The following HRK variants were observed in gnomAD, a reference collection of about 807,000 sequenced individuals.
HRK encodes harakiri, BCL2 interacting protein.
Under a neutral mutation model 5.9 loss-of-function variants are expected in HRK, and 6 were observed. The ratio of observed to expected loss-of-function variants is 1.02; its 90% CI spans 0.56 to 2.01. The LOEUF (loss-of-function observed/expected upper bound fraction) is 2.01. HRK is among the 30% of genes most tolerant of loss of function. The pLI is 0.00. For synonymous variants in HRK, 85 were observed against 65.1 expected (o/e 1.31, Z -1.47); for missense variants, 133 against 128.3 (o/e 1.04, Z -0.18).
At position 116,862,307 on chromosome 12, in the gene HRK, C is replaced by T. The variant is rs952610075; in HGVS notation, c.*57-841G>A. Among the ~76,000 whole-genome samples, 15 of 152,132 alleles carry T rather than the reference C, an allele frequency of 9.9e-5. No individual in the cohort carries two copies. Among genetic ancestry groups the T allele is most frequent in the South Asian group, 2.1e-4 (1 of 4,822 alleles). On this transcript the variant is annotated intron_variant, in intron 1 of 1. Coordinates refer to ENST00000257572, the MANE Select transcript of HRK (RefSeq NM_003806.4). The surrounding 1 kb of genome is among the most constrained non-coding windows in gnomAD (Gnocchi z 4.0). The stretch of plus-strand genomic sequence containing the variant: ...CAGAATTATCCATAATAGCAAAATA[C>T]GGAAACAACCCAAATGTCCATCAAC...
rs1377212335 is a variant in HRK at position 116,881,192 on chromosome 12, G to A, written c.116C>T (p.Ala39Val). Residue 39 changes from alanine (A) to valine (V), a missense_variant, in exon 1 of 2, where the codon GCG (alanine) becomes GTG (valine). Physicochemically the swap from Ala to Val is moderately conservative, Grantham distance 64. Transcript: ENST00000257572. Reference protein sequence around the residue: ...AAQLTAARLKALGDELHQRTM... With the variant: ...AAQLTAARLKVLGDELHQRTM... ...GCGCTGGTGCAGCTCGTCGCCTAGC[G>A]CCTTGAGCCGGGCGGCGGTGAGCTG... The A allele has an allele frequency of 2.6e-6, 3 of 1,146,510 alleles. No homozygotes were observed. Among genetic ancestry groups the A allele is most frequent in the African/African-American group, 1.6e-5 (1 of 61,088 alleles). 71.0% of individuals were successfully genotyped at this position (1,146,510 alleles called of 1,614,324 possible). A position where few individuals can be genotyped will look rare whatever the true frequency, so the allele number is the denominator to read the frequency against.
chr12:116,877,217 ATTTT>A (rs377267721), intron 1 of HRK, among the ~76,000 whole-genome samples: 31 of 143,266 alleles, frequency 2.2e-4, no homozygotes, highest in Non-Finnish European at 2.4e-4. Context: ...TGCCCAGCTA[ATTTT>A]TTTTTTTTTT....
chr12:116,861,253 A>AGAG lies in HRK; in HGVS notation c.*267_*269dup, dbSNP rs1878356457. 1.3e-5 allele frequency: 2 copies of AGAG among 152,252 alleles called. No homozygotes were observed. Among genetic ancestry groups the AGAG allele is most frequent in the African/African-American group, 4.8e-5 (2 of 41,456 alleles). The allele number at this position is 152,252 out of a possible 1,614,324, so 9.4% of individuals were successfully genotyped here. A position where few individuals can be genotyped will look rare whatever the true frequency, so the allele number is the denominator to read the frequency against. ...TCATATTTTCTTTTTTTATATATAT[A>AGAG]GAGCTGTATGTAAATAGCATTGGGG... On this transcript the variant is annotated 3_prime_UTR_variant, in exon 2 of 2. Coordinates refer to ENST00000257572, the MANE Select transcript of HRK (RefSeq NM_003806.4).
chr12:116,880,015 C>T (rs1256075464), intron 1 of HRK, among the ~76,000 whole-genome samples: 1 of 152,168 alleles, frequency 6.6e-6, no homozygotes, highest in Non-Finnish European at 1.5e-5. Flanking sequence ...TGTGTGCTTC[C>T]TCAAAGCGCC....
At chr12:116,874,974 T>C (rs1435612063) in intron 1 of HRK, among the ~76,000 whole-genome samples, 1 of 152,182 alleles carries the variant, frequency 6.6e-6, no homozygotes, top group Non-Finnish European at 1.5e-5. Context: ...CATGGTCAAA[T>C]ATGTCAGCCT....
At chr12:116,869,614 C>T (rs755713228) in intron 1 of HRK, 16 of 152,188 alleles carry the variant, frequency 1.1e-4, no homozygotes, top group East Asian at 5.8e-4. Context: ...ATGTGAAAGT[C>T]GGCCTGACTC....
intron 1 of HRK, among the ~76,000 whole-genome samples, chr12:116,869,021 T>G (rs893016742): frequency 6.6e-6 from 1 of 151,874 alleles, no homozygotes; most frequent in African/African-American, 2.4e-5. Context: ...TTGTCTGGGC[T>G]GGAGTGCAGT....
At position 116,864,342 on chromosome 12, in the gene HRK, G is replaced by A. The variant is rs376718523; in HGVS notation, c.*57-2876C>T. 3.9e-5 allele frequency among the ~76,000 whole-genome samples: 6 copies of A among 152,274 alleles called. No individual in the cohort carries two copies. The East Asian group carries it at 5.8e-4, about 15-fold the overall frequency. ...GACATCGTGCTAAGCATGGTTATCC[G>A]CACCAGATAAGGCCAGGTGCCTGCT... On this transcript the variant is annotated intron_variant, in intron 1 of 1. Coordinates refer to ENST00000257572, the MANE Select transcript of HRK (RefSeq NM_003806.4).
chr12:116,878,069 C>G lies in HRK; in HGVS notation c.*56+2907G>C, dbSNP rs1029555082. ...TAGCTGGGATTACAGGTGTGCACCACCACGCTCAGCTAATTTTTGTATTTT... is the reference window on the plus strand; with the variant it reads ...TAGCTGGGATTACAGGTGTGCACCAGCACGCTCAGCTAATTTTTGTATTTT... On this transcript the variant is annotated intron_variant, in intron 1 of 1. Transcript: ENST00000257572. The surrounding 1 kb of genome is among the most constrained non-coding windows in gnomAD (Gnocchi z 4.4). Among the ~76,000 whole-genome samples the G allele has an allele frequency of 6.6e-6, 1 of 152,146 alleles. No homozygotes were observed. Among genetic ancestry groups the G allele is most frequent in the Non-Finnish European group, 1.5e-5 (1 of 68,022 alleles).
intron 1 of HRK, among the ~76,000 whole-genome samples, chr12:116,880,169 A>G (rs1042231650): frequency 2.0e-5 from 3 of 152,124 alleles, no homozygotes; most frequent in Admixed American, 6.5e-5. Context: ...CTCCCTAAAC[A>G]GTGCCCAGCA....
intron 1 of HRK, chr12:116,867,764 C>T (rs942575476): frequency 3.3e-5 from 5 of 152,162 alleles, no homozygotes; most frequent in African/African-American, 1.2e-4. Flanking sequence ...AAAACCTTTG[C>T]GTGTTGACAT....
rs1879147200 is a variant in HRK at position 116,881,277 on chromosome 12, C to A, written c.31G>T (p.Gly11Cys). The A allele has an allele frequency of 9.3e-7, 1 of 1,076,248 alleles. No homozygotes were observed. The highest frequency in any genetic ancestry group is 1.1e-6 in the Non-Finnish European group (1 of 890,446). The allele number at this position is 1,076,248 out of a possible 1,614,324, so 66.7% of individuals were successfully genotyped here. Residue 11 changes from glycine (G) to cysteine (C), a missense_variant, in exon 1 of 2, where the codon GGC becomes TGC. Gly to Cys is a radical substitution (Grantham distance 159). Coordinates refer to ENST00000257572, the MANE Select transcript of HRK (RefSeq NM_003806.4). MCPCPLHRGRGPPAVCACSAG... is the reference protein window; with the variant it reads MCPCPLHRGRCPPAVCACSAG... ...CTGCAGGCGCACACGGCCGGGGGGC[C>A]GCGGCCGCGGTGCAGGGGGCACGGG...
chr12:116,878,981 C>G lies in HRK; in HGVS notation c.*56+1995G>C, dbSNP rs1476194120. On this transcript the variant is annotated intron_variant, in intron 1 of 1. Transcript: ENST00000257572. The surrounding 1 kb of genome is among the most constrained non-coding windows in gnomAD (Gnocchi z 4.4). ...GCAGGCCCCAGTTACCCAACTCCTCCCCTGCGCTCCGGCGCAGAGCGGCGC... is the reference window on the plus strand; with the variant it reads ...GCAGGCCCCAGTTACCCAACTCCTCGCCTGCGCTCCGGCGCAGAGCGGCGC... The G allele has an allele frequency of 2.0e-5, 3 of 152,500 alleles. No homozygotes were observed. The highest frequency in any genetic ancestry group is 7.2e-5 in the African/African-American group (3 of 41,474). 9.4% of individuals were successfully genotyped at this position (152,500 alleles called of 1,614,324 possible). A position where few individuals can be genotyped will look rare whatever the true frequency, so the allele number is the denominator to read the frequency against.
At position 116,881,011 on chromosome 12, in the gene HRK, C is replaced by G; in HGVS notation, c.*21G>C. ...CTCCGGCTGGGTCTCGGCTCCGGCC[C>G]CACCAAGAAGCCCCGCGTTCCTACA... On this transcript the variant is annotated 3_prime_UTR_variant, in exon 1 of 2. Transcript: ENST00000257572. The G allele has an allele frequency of 7.6e-7, 1 of 1,320,494 alleles. No homozygotes were observed. The highest frequency in any genetic ancestry group is 9.6e-7 in the Non-Finnish European group (1 of 1,038,304). The allele number at this position is 1,320,494 out of a possible 1,614,324, so 81.8% of individuals were successfully genotyped here. A position where few individuals can be genotyped will look rare whatever the true frequency, so the allele number is the denominator to read the frequency against.
Position 116,881,048 on chromosome 12 carries a change from C to A in HRK, c.260G>T (p.Gly87Val). ...QVAALAAWLL[G>V]RRNL is the part of the protein sequence containing the mutation. ...CCCGCGTTCCTACAAGTTCCGCCTGCCGAGCAGCCAGGCCGCCAGCGCCGC... is the reference window on the plus strand; with the variant it reads ...CCCGCGTTCCTACAAGTTCCGCCTGACGAGCAGCCAGGCCGCCAGCGCCGC... Residue 87 changes from glycine (G) to valine (V), a missense_variant, in exon 1 of 2, where the codon GGC (glycine) becomes GTC (valine). Coordinates refer to ENST00000257572, the MANE Select transcript of HRK (RefSeq NM_003806.4). 1 of 1,358,502 alleles carries A rather than the reference C, an allele frequency of 7.4e-7. No individual in the cohort carries two copies. Among genetic ancestry groups the A allele is most frequent in the Non-Finnish European group, 9.5e-7 (1 of 1,055,288 alleles). 84.2% of individuals were successfully genotyped at this position (1,358,502 alleles called of 1,614,324 possible).
In HRK at chr12:116,879,810, C is replaced by T. The variant is rs1879075294; in HGVS notation, c.*56+1166G>A. 6.6e-6 allele frequency among the ~76,000 whole-genome samples: 1 copy of T among 152,202 alleles called. No individual in the cohort carries two copies. Among genetic ancestry groups the T allele is most frequent in the African/African-American group, 2.4e-5 (1 of 41,458 alleles). ...CGGGCCTCGCCTTCAGGCGCCGCTC[C>T]AACTTCCCAGGGTGTCTGCGGCGCG... On this transcript the variant is annotated intron_variant, in intron 1 of 1. Transcript: ENST00000257572. This position sits in a 1 kb window ranked among gnomAD's most constrained non-coding sequence, Gnocchi z 5.6.
chr12:116,870,633 C>T (rs1878711827), intron 1 of HRK, among the ~76,000 whole-genome samples: 2 of 151,998 alleles, frequency 1.3e-5, no homozygotes, highest in Non-Finnish European at 1.5e-5. Flanking sequence ...GGCAACATAG[C>T]GAGACCCCAT....
At chr12:116,875,415 T>A (rs1311205087) in intron 1 of HRK, among the ~76,000 whole-genome samples, 1 of 152,228 alleles carries the variant, frequency 6.6e-6, no homozygotes, top group Non-Finnish European at 1.5e-5. Context: ...AGGGAACTCT[T>A]ATGTCTTGGT....
intron 1 of HRK, among the ~76,000 whole-genome samples, chr12:116,863,286 A>G (rs1463266376): frequency 1.3e-5 from 2 of 152,164 alleles, no homozygotes; most frequent in African/African-American, 4.8e-5. Flanking sequence ...AACAGGAGGC[A>G]CTAATGGGAA....
Sources: allele counts gnomAD v4.1 joint callset (sites outside exome capture counted in the v4.1 genomes callset), GRCh38; gene constraint gnomAD v4.1.1; non-coding constraint Gnocchi (gnomAD v3.1); transcripts MANE v1.5; gene names NCBI Gene and HGNC (gene_info 2026-07-23, HGNC 2026-07-21).